Variants in AP1M1 observed in about 807,000 individuals in gnomAD.
The protein encoded by AP1M1 is adaptor related protein complex 1 subunit mu 1, also known as AP-1 complex subunit mu-1.
Under a neutral mutation model 57.1 loss-of-function variants are expected in AP1M1, and 18 were observed. The ratio of observed to expected loss-of-function variants is 0.32; its 90% CI spans 0.22 to 0.47. The LOEUF (loss-of-function observed/expected upper bound fraction) is 0.47, where lower values mean the gene tolerates loss of function less well. Among genes scored for constraint, AP1M1 ranks in the 20% least tolerant of loss-of-function variants. The pLI is 1.00. For missense variants in AP1M1, 362 were observed against 593.5 expected (o/e 0.61, Z 4.05); for synonymous variants, 241 against 237.9 (o/e 1.01, Z -0.12).
At chr19:16,224,061 A>G (rs554368019) in intron 5 of AP1M1, among the ~76,000 whole-genome samples, 1 of 152,272 alleles carries the variant, frequency 6.6e-6, no homozygotes, top group South Asian at 2.1e-4. Flanking sequence ...CTGGGCCAGG[A>G]TTTCTGGAGG....
chr19:16,226,507 C>T lies in AP1M1; in HGVS notation c.633C>T (p.Arg211=), dbSNP rs1204384899. Residue 211 remains arginine, a synonymous_variant, in exon 6 of 12, where the codon CGC becomes CGT. Coordinates refer to ENST00000291439, the MANE Select transcript of AP1M1 (RefSeq NM_032493.4). ...TCCTCTCGGGCATGCCCGAGCTGCGCCTGGGCCTCAACGACAAGGTCCTCT... is the reference window on the plus strand; with the variant it reads ...TCCTCTCGGGCATGCCCGAGCTGCGTCTGGGCCTCAACGACAAGGTCCTCT... ...RVFLSGMPEL[R]LGLNDKVLFD... is the part of the protein sequence containing the mutation. 5.7e-6 allele frequency: 9 copies of T among 1,590,794 alleles called. No homozygotes were observed. Among genetic ancestry groups the T allele is most frequent in the East Asian group, 2.3e-5 (1 of 44,014 alleles).
chr19:16,217,081 C>T (rs991784828), intron 5 of AP1M1, among the ~76,000 whole-genome samples: 5 of 152,000 alleles, frequency 3.3e-5, no homozygotes, highest in Non-Finnish European at 5.9e-5. Flanking sequence ...TCATTGGTGC[C>T]GATGATGGGG....
chr19:16,206,311 G>A lies in AP1M1; in HGVS notation c.200-30G>A. 6.2e-7 allele frequency: 1 copy of A among 1,613,440 alleles called. No homozygotes were observed. Among genetic ancestry groups the A allele is most frequent in the Non-Finnish European group, 8.5e-7 (1 of 1,179,484 alleles). On this transcript the variant is annotated intron_variant, in intron 2 of 11. Transcript: ENST00000291439. The surrounding 1 kb of genome is among the most constrained non-coding windows in gnomAD (Gnocchi z 4.3). ...CTTCCAGGCAGCAGCCCCAGCCTCT[G>A]AATGCTCCTTAACTGTGGCCGCCAT... is the stretch of plus-strand genomic sequence containing the variant.
At position 16,241,099 on chromosome 19, in the gene AP1M1, G is replaced by C. The variant is rs888130797; in HGVS notation, c.*6664G>C. On this transcript the variant is annotated 3_prime_UTR_variant, in exon 12 of 12. Transcript: ENST00000291439. ...ACTCTGGGAGGCCGAGGCGGGCAGA[G>C]GTCAGGAGTTTGAGACCAGCCGGAC... 3.3e-5 allele frequency: 5 copies of C among 151,630 alleles called. No homozygotes were observed. The highest frequency in any genetic ancestry group is 1.2e-4 in the African/African-American group (5 of 41,222). 9.4% of individuals were successfully genotyped at this position (151,630 alleles called of 1,614,324 possible).
rs2091457133 is a variant in AP1M1 at position 16,203,464 on chromosome 19, C to T, written c.48C>T (p.Leu16=). ...VYVLDLKGKV[L]ICRNYRGDVD... ...CTCTTCCTTCCCCACCCCAGGTGCT[C>T]ATCTGCCGGAACTACCGTGGCGACG... is the stretch of plus-strand genomic sequence containing the variant. The change falls in exon 2 of 12, where the codon CTC becomes CTT. Residue 16 remains leucine, a synonymous_variant. Coordinates refer to ENST00000291439, the MANE Select transcript of AP1M1 (RefSeq NM_032493.4). The surrounding 1 kb of genome is among the most constrained non-coding windows in gnomAD (Gnocchi z 4.6). 3 of 1,614,090 alleles carry T rather than the reference C, an allele frequency of 1.9e-6. No individual in the cohort carries two copies. The highest frequency in any genetic ancestry group is 1.7e-6 in the Non-Finnish European group (2 of 1,180,038).
chr19:16,208,286 G>C, intron 4 of AP1M1, 137 bp downstream of exon 4: 2 of 991,284 alleles, frequency 2.0e-6, no homozygotes, highest in Non-Finnish European at 2.9e-6. Flanking sequence ...CAGTATTCGG[G>C]TTTTTACTAA....
chr19:16,199,243 G>A (rs1252761891), intron 1 of AP1M1, among the ~76,000 whole-genome samples: 2 of 152,196 alleles, frequency 1.3e-5, no homozygotes, highest in African/African-American at 4.8e-5. Flanking sequence ...TCAGCCCGAG[G>A]ATGAGAGAGG....
intron 5 of AP1M1, among the ~76,000 whole-genome samples, chr19:16,223,462 T>C (rs2091555056): frequency 6.6e-6 from 1 of 152,196 alleles, no homozygotes; most frequent in African/African-American, 2.4e-5. Flanking sequence ...TGTACACGTC[T>C]GCCATTGGGC....
chr19:16,211,560 G>A (rs1411162362), intron 5 of AP1M1, among the ~76,000 whole-genome samples: 1 of 151,944 alleles, frequency 6.6e-6, no homozygotes, highest in Non-Finnish European at 1.5e-5. Flanking sequence ...CTAGTTAGTT[G>A]GCTGGGCATG....
chr19:16,197,997 C>T lies in AP1M1; in HGVS notation c.-30C>T, dbSNP rs564852170. The T allele has an allele frequency of 1.3e-6, 2 of 1,559,370 alleles. No individual in the cohort carries two copies. Among genetic ancestry groups the T allele is most frequent in the Non-Finnish European group, 1.7e-6 (2 of 1,157,142 alleles). ...CCGTCGCTGCCGCCGCCACCGCCCT[C>T]GGCCGCTGCCGAGGCCTCCTGCAGC... On this transcript the variant is annotated 5_prime_UTR_variant, in exon 1 of 12. Coordinates refer to ENST00000291439, the MANE Select transcript of AP1M1 (RefSeq NM_032493.4).
At chr19:16,198,235 G>A (rs2091432512) in intron 1 of AP1M1, 167 bp downstream of exon 1, 1 of 602,258 alleles carries the variant, frequency 1.7e-6, no homozygotes, top group Non-Finnish European at 2.7e-6. Flanking sequence ...TGGGTAACCG[G>A]GCGGGGGTCT....
chr19:16,210,923 A>G (rs2091490743), intron 5 of AP1M1, among the ~76,000 whole-genome samples: 1 of 152,138 alleles, frequency 6.6e-6, no homozygotes, highest in Admixed American at 6.6e-5. Context: ...TGTCATCTGT[A>G]TATCCTCTTT....
At chr19:16,220,683 G>A (rs955592421) in intron 5 of AP1M1, among the ~76,000 whole-genome samples, 2 of 152,106 alleles carry the variant, frequency 1.3e-5, no homozygotes, top group African/African-American at 2.4e-5. Flanking sequence ...GAGCCACTGC[G>A]CCCAGCCCTA....
chr19:16,222,208 A>ATTT (rs1438007288), intron 5 of AP1M1, among the ~76,000 whole-genome samples: 3 of 68,794 alleles, frequency 4.4e-5, no homozygotes, highest in Admixed American at 1.5e-4. Context: ...TATTATTATT[A>ATTT]TTATTTTTTT....
intron 5 of AP1M1, among the ~76,000 whole-genome samples, chr19:16,220,542 C>T (rs4808472): frequency 0.66 from 100,051 of 151,942 alleles, 35,188 homozygotes; most frequent in Non-Finnish European, 0.8. Context: ...AGGCATGTAC[C>T]ACCACACCTG....
intron 9 of AP1M1, among the ~76,000 whole-genome samples, chr19:16,232,319 G>A (rs961162602): frequency 1.3e-5 from 2 of 152,248 alleles, no homozygotes; most frequent in Non-Finnish European, 2.9e-5. Flanking sequence ...CCAGCCTACA[G>A]CTCTCATCGA....
chr19:16,200,614 C>T (rs2091442931), intron 1 of AP1M1, among the ~76,000 whole-genome samples: 5 of 152,198 alleles, frequency 3.3e-5, no homozygotes, highest in Admixed American at 3.3e-4. Context: ...TGCATTTAAT[C>T]AACAATAAAG....
At chr19:16,201,439 G>C (rs12977235) in intron 1 of AP1M1, among the ~76,000 whole-genome samples, 90,667 of 129,638 alleles carry the variant, frequency 0.7, 32,804 homozygotes, top group Non-Finnish European at 0.8. Flanking sequence ...CGTTCTGTCA[G>C]CCAAGCTGGA....
rs750844005 is a variant in AP1M1, at chr19:16,226,406, C to T, written c.547-15C>T. The T allele has an allele frequency of 1.7e-5, 26 of 1,521,414 alleles. No individual in the cohort carries two copies. In the Middle Eastern group the frequency reaches 5.1e-4, roughly 30 times the overall value. 94.2% of individuals were successfully genotyped at this position (1,521,414 alleles called of 1,614,324 possible). A position where few individuals can be genotyped will look rare whatever the true frequency, so the allele number is the denominator to read the frequency against. ...AGTTGGGGACCTCCCCTCACGCCCA[C>T]ACCGCCACCCCCAGGTCAGCGCCAA... On this transcript the variant is annotated splice_polypyrimidine_tract_variant and intron_variant, in intron 5 of 11. Transcript: ENST00000291439.
Sources: allele counts gnomAD v4.1 joint callset (sites outside exome capture counted in the v4.1 genomes callset), GRCh38; gene constraint gnomAD v4.1.1; non-coding constraint Gnocchi (gnomAD v3.1); transcripts MANE v1.5; gene names NCBI Gene and HGNC (gene_info 2026-07-23, HGNC 2026-07-21).